Variants in CMTM7 observed in about 807,000 individuals in gnomAD.
CMTM7 encodes the protein CKLF like MARVEL transmembrane domain containing 7.
A neutral mutation model predicts 19.3 loss-of-function variants in CMTM7; 7 were observed. The ratio of observed to expected loss-of-function variants is 0.36; its 90% CI spans 0.21 to 0.68. The LOEUF is 0.68. CMTM7 is among the 30% of genes least tolerant of loss of function. The pLI, the probability that CMTM7 is intolerant of heterozygous loss-of-function variation, is 0.60. For synonymous variants in CMTM7, 87 were observed against 99.3 expected (o/e 0.88, Z 0.74); for missense variants, 193 against 232.6 (o/e 0.83, Z 1.11).
intron 1 of CMTM7, among the ~76,000 whole-genome samples, chr3:32,422,376 T>G (rs73826530): frequency 0.03 from 4,627 of 152,344 alleles, 255 homozygotes; most frequent in African/African-American, 0.11. Flanking sequence ...CCAGGCCTCC[T>G]GCTGGGACTG....
At chr3:32,451,271 TC>T (rs1209998522) in intron 3 of CMTM7, 1 of 152,128 alleles carries the variant, frequency 6.6e-6, no homozygotes, top group African/African-American at 2.4e-5. Context: ...TTGTTGAAAA[TC>T]CTACCCTTAG....
At chr3:32,424,525 G>A (rs1462734198) in intron 1 of CMTM7, among the ~76,000 whole-genome samples, 1 of 152,142 alleles carries the variant, frequency 6.6e-6, no homozygotes, top group Non-Finnish European at 1.5e-5. Context: ...CGCAGTGTTG[G>A]GTGTTCTTTT....
intron 1 of CMTM7, among the ~76,000 whole-genome samples, chr3:32,436,389 A>G (rs2125637364): frequency 6.6e-6 from 1 of 152,300 alleles, no homozygotes; most frequent in South Asian, 2.1e-4. Context: ...AAATTCAGCC[A>G]AAGTTGGGAG....
intron 1 of CMTM7, among the ~76,000 whole-genome samples, chr3:32,426,154 CA>C (rs552748291): frequency 6.6e-6 from 1 of 151,782 alleles, no homozygotes; most frequent in Non-Finnish European, 1.5e-5. Context: ...TCAAAAAAAA[CA>C]AAAAAACAAA....
chr3:32,397,577 A>G (rs1214940701), intron 1 of CMTM7, among the ~76,000 whole-genome samples: 1 of 151,668 alleles, frequency 6.6e-6, no homozygotes, highest in African/African-American at 2.4e-5. Flanking sequence ...TACTAAAAAT[A>G]CAAAATATTA....
At chr3:32,398,686 G>A (rs1695954512) in intron 1 of CMTM7, among the ~76,000 whole-genome samples, 1 of 151,752 alleles carries the variant, frequency 6.6e-6, no homozygotes, top group African/African-American at 2.4e-5. Context: ...TGCATCACAA[G>A]CAGAAGAAAG....
intron 1 of CMTM7, among the ~76,000 whole-genome samples, chr3:32,401,586 C>T (rs1696004390): frequency 6.6e-6 from 1 of 152,284 alleles, no homozygotes. Flanking sequence ...GCCCTTCTGT[C>T]TTCCTGCCAG....
At chr3:32,451,929 C>T (rs746396953) in intron 3 of CMTM7, 37 of 491,026 alleles carry the variant, frequency 7.5e-5, no homozygotes, top group African/African-American at 2.2e-4. Context: ...GGCTCTAATA[C>T]GGCTATGAAG....
At chr3:32,410,676 G>A (rs1277277591) in intron 1 of CMTM7, among the ~76,000 whole-genome samples, 2 of 152,220 alleles carry the variant, frequency 1.3e-5, no homozygotes, top group African/African-American at 2.4e-5. Flanking sequence ...CTGTCCTGGA[G>A]CAGCCCACTC....
At chr3:32,421,143 A>G (rs1265234046) in intron 1 of CMTM7, among the ~76,000 whole-genome samples, 2 of 151,998 alleles carry the variant, frequency 1.3e-5, no homozygotes, top group Non-Finnish European at 1.5e-5. Flanking sequence ...TAGAACTGAC[A>G]CAGCCTCCTA....
At chr3:32,426,910 T>C (rs953492717) in intron 1 of CMTM7, among the ~76,000 whole-genome samples, 1 of 152,246 alleles carries the variant, frequency 6.6e-6, no homozygotes, top group Non-Finnish European at 1.5e-5. Context: ...TAGTAGTTAT[T>C]TCACTACTTA....
intron 1 of CMTM7, among the ~76,000 whole-genome samples, chr3:32,424,675 C>T (rs1194040603): frequency 2.0e-5 from 3 of 150,030 alleles, no homozygotes; most frequent in Non-Finnish European, 4.4e-5. Context: ...TACATGGTCT[C>T]ACTCTGTCGC....
chr3:32,422,337 C>T (rs1696357505), intron 1 of CMTM7, among the ~76,000 whole-genome samples: 1 of 152,238 alleles, frequency 6.6e-6, no homozygotes, highest in Non-Finnish European at 1.5e-5. Flanking sequence ...AACAGGCACT[C>T]ACTTCTGGCA....
intron 1 of CMTM7, among the ~76,000 whole-genome samples, chr3:32,398,985 C>T (rs1030273387): frequency 6.6e-6 from 1 of 151,942 alleles, no homozygotes; most frequent in Non-Finnish European, 1.5e-5. Flanking sequence ...GTCCTCCCAT[C>T]CCCCCAAAAA....
intron 1 of CMTM7, among the ~76,000 whole-genome samples, chr3:32,428,546 T>C (rs567806995): frequency 6.6e-6 from 1 of 152,274 alleles, no homozygotes; most frequent in East Asian, 1.9e-4. Flanking sequence ...AGCTGAGGTG[T>C]TGTGGGGCGG....
intron 1 of CMTM7, among the ~76,000 whole-genome samples, chr3:32,403,096 T>C (rs983866406): frequency 3.5e-4 from 54 of 152,254 alleles, no homozygotes; most frequent in African/African-American, 1.2e-3. Context: ...ATCTACACTT[T>C]AAACGTTTCC....
At chr3:32,446,877 A>G (rs908825338) in intron 2 of CMTM7, among the ~76,000 whole-genome samples, 7 of 152,178 alleles carry the variant, frequency 4.6e-5, no homozygotes, top group African/African-American at 1.4e-4. Context: ...AGAAGCAGAT[A>G]CAGGTGCCAT....
chr3:32,425,621 C>T (rs1263247962), intron 1 of CMTM7, among the ~76,000 whole-genome samples: 4 of 152,042 alleles, frequency 2.6e-5, no homozygotes, highest in Admixed American at 6.5e-5. Flanking sequence ...ATAACTTGTT[C>T]GGTTGGTGGG....
rs1696201300 is a variant in CMTM7 at position 32,412,972 on chromosome 3, T to C, written c.159+20907T>C. Among the ~76,000 whole-genome samples the C allele has an allele frequency of 2.6e-5, 4 of 152,394 alleles. No homozygotes were observed. The South Asian group carries it at 8.3e-4, about 32-fold the overall frequency. On this transcript the variant is annotated intron_variant, in intron 1 of 4. Transcript: ENST00000334983. ...ACTTTTAAACATGTAGGTTTGCTTTTGAGCTTTTAGCTACTATAAATGATA... is the reference window on the plus strand; with the variant it reads ...ACTTTTAAACATGTAGGTTTGCTTTCGAGCTTTTAGCTACTATAAATGATA...
Sources: allele counts gnomAD v4.1 joint callset (sites outside exome capture counted in the v4.1 genomes callset), GRCh38; gene constraint gnomAD v4.1.1; transcripts MANE v1.5; gene names NCBI Gene and HGNC (gene_info 2026-07-23, HGNC 2026-07-21).